The following TAF12 variants were observed in gnomAD, a reference collection of about 807,000 sequenced individuals.
TAF12 encodes TATA-box binding protein associated factor 12.
In TAF12, 3 loss-of-function variants were observed where a neutral mutation model predicts 20.8. That is an observed-to-expected ratio of 0.14 (90% CI 0.07 to 0.37). TAF12 has a LOEUF of 0.37. Ranked by LOEUF, TAF12 falls within the 10% of genes least tolerant of loss-of-function variation. The pLI, the probability that TAF12 is intolerant of heterozygous loss-of-function variation, is 1.00. For missense variants in TAF12, 131 were observed against 197.9 expected (o/e 0.66, Z 2.03); for synonymous variants, 69 against 70.2 (o/e 0.98, Z 0.09).
At chr1:28,623,487 A>AAAATAAAT (rs35847599) in intron 1 of TAF12, among the ~76,000 whole-genome samples, 6,145 of 149,708 alleles carry the variant, frequency 0.041, 353 homozygotes, top group African/African-American at 0.14. Context: ...AATAATAATA[A>AAAATAAAT]AAATAAATAA....
chr1:28,619,128 G>A (rs1027648901), intron 2 of TAF12, among the ~76,000 whole-genome samples: 4 of 152,072 alleles, frequency 2.6e-5, no homozygotes, highest in African/African-American at 9.7e-5. Flanking sequence ...GAGGTGGGAG[G>A]ACTACCTGAG....
At chr1:28,642,480 C>T (rs1000764557) in intron 1 of TAF12, among the ~76,000 whole-genome samples, 2 of 152,074 alleles carry the variant, frequency 1.3e-5, no homozygotes, top group African/African-American at 4.8e-5. Context: ...CCCAAAGAAG[C>T]CCCAGTCTTC....
At chr1:28,644,475 A>C (rs1381356435), upstream of TAF12, among the ~76,000 whole-genome samples, 1 of 152,204 alleles carries the variant, frequency 6.6e-6, no homozygotes, top group Non-Finnish European at 1.5e-5. Flanking sequence ...TTTAAGACCC[A>C]GGTTGAATGT....
chr1:28,629,066 G>A lies in TAF12; in HGVS notation c.-84-6901C>T, dbSNP rs557943394. On this transcript the variant is annotated intron_variant, in intron 1 of 5. Transcript: ENST00000373824. ...AGCTGGGGTGACAGAGCAAGACTCC[G>A]TCTCAAATAAATAAATGAATAAAAC... Among the ~76,000 whole-genome samples the A allele has an allele frequency of 1.2e-4, 19 of 152,262 alleles. No individual in the cohort carries two copies. The East Asian group carries it at 1.7e-3, about 14-fold the overall frequency.
intron 2 of TAF12, among the ~76,000 whole-genome samples, chr1:28,619,173 C>T (rs986363592): frequency 2.4e-4 from 37 of 151,440 alleles, no homozygotes; most frequent in African/African-American, 8.5e-4. Flanking sequence ...GGCAACATGG[C>T]GAGACTGCAT....
In TAF12 at chr1:28,603,156, T is replaced by C. The variant is rs546183580; in HGVS notation, c.*383A>G. ...ATGAAAGTCATATTCATATAAACAC[T>C]GACATTACAAAGTACAGGGAAAAGG... On this transcript the variant is annotated 3_prime_UTR_variant, in exon 6 of 6. Coordinates refer to ENST00000373824, the MANE Select transcript of TAF12 (RefSeq NM_005644.4). 9 of 183,882 alleles carry C rather than the reference T, an allele frequency of 4.9e-5. No homozygotes were observed. Among genetic ancestry groups the C allele is most frequent in the Non-Finnish European group, 1.0e-4 (9 of 88,298 alleles). 11.4% of individuals were successfully genotyped at this position (183,882 alleles called of 1,614,324 possible).
chr1:28,625,308 G>A (rs1323390458), intron 1 of TAF12, among the ~76,000 whole-genome samples: 1 of 152,196 alleles, frequency 6.6e-6, no homozygotes, highest in African/African-American at 2.4e-5. Context: ...GGAGGCTGAA[G>A]TAGGAGTACT....
At chr1:28,644,890 G>A (rs1053823024), upstream of TAF12, among the ~76,000 whole-genome samples, 1 of 152,140 alleles carries the variant, frequency 6.6e-6, no homozygotes, top group African/African-American at 2.4e-5. Context: ...TTGGAAGAAC[G>A]GTGAAATTAT....
intron 3 of TAF12, 130 bp downstream of exon 3, chr1:28,617,823 G>T (rs902604654): frequency 1.1e-6 from 1 of 898,472 alleles, no homozygotes; most frequent in African/African-American, 1.7e-5. Flanking sequence ...GAACCTCTGG[G>T]TTCCAGCAAT....
chr1:28,605,251 A>T, intron 5 of TAF12, 121 bp downstream of exon 5: 1 of 962,242 alleles, frequency 1.0e-6, no homozygotes, highest in Non-Finnish European at 1.6e-6. Context: ...CTTGCTCCAG[A>T]GAGTGAAGTT....
At chr1:28,608,782 CA>C (rs1273234935) in intron 4 of TAF12, among the ~76,000 whole-genome samples, 2 of 150,808 alleles carry the variant, frequency 1.3e-5, no homozygotes, top group South Asian at 4.2e-4. Flanking sequence ...AAATAAAAGA[CA>C]AAAAATTAGC....
At chr1:28,647,016 T>C (rs1387066630), upstream of TAF12, among the ~76,000 whole-genome samples, 1 of 151,998 alleles carries the variant, frequency 6.6e-6, no homozygotes, top group Non-Finnish European at 1.5e-5. Flanking sequence ...GTATTTTTAA[T>C]AGAGACAGGG....
At chr1:28,604,003 C>G (rs1168696658) in intron 5 of TAF12, among the ~76,000 whole-genome samples, 11 of 151,574 alleles carry the variant, frequency 7.3e-5, no homozygotes, top group Non-Finnish European at 1.5e-5. Flanking sequence ...CTCCCAAGTT[C>G]AAGTGATTCT....
chr1:28,636,675 G>A (rs1358044946), intron 1 of TAF12, among the ~76,000 whole-genome samples: 2 of 151,650 alleles, frequency 1.3e-5, no homozygotes, highest in Non-Finnish European at 2.9e-5. Context: ...GTGGCATGCA[G>A]CTGTGGTCCC....
chr1:28,603,682 G>T, intron 5 of TAF12, 108 bp from the exon 6 acceptor site: 1 of 1,122,650 alleles, frequency 8.9e-7, no homozygotes, highest in Non-Finnish European at 1.3e-6. Flanking sequence ...GTAGGCCGCA[G>T]CCCTCAGAGA....
At chr1:28,639,640 G>A (rs1667968407) in intron 1 of TAF12, among the ~76,000 whole-genome samples, 2 of 152,016 alleles carry the variant, frequency 1.3e-5, no homozygotes, top group African/African-American at 4.8e-5. Flanking sequence ...ACTTTGAAGT[G>A]GTGACATGGG....
chr1:28,608,238 G>A lies in TAF12; in HGVS notation c.362-2778C>T, dbSNP rs1186146722. On this transcript the variant is annotated intron_variant, in intron 4 of 5. Transcript: ENST00000373824. Reference sequence around the variant, plus strand: ...CGGGCGCCTGTAGTCCCAGCTACTCGGGAGGCTGAGGCAGGAGAATGGTGT... The same window carrying A: ...CGGGCGCCTGTAGTCCCAGCTACTCAGGAGGCTGAGGCAGGAGAATGGTGT... Among the ~76,000 whole-genome samples, 19 of 151,168 alleles carry A rather than the reference G, an allele frequency of 1.3e-4. 1 individual carries two copies. Among genetic ancestry groups the A allele is most frequent in the African/African-American group, 3.6e-4 (15 of 41,188 alleles).
upstream of TAF12, chr1:28,645,979 AAAGAG>A (rs909979124): frequency 2.6e-5 from 4 of 151,974 alleles, no homozygotes; most frequent in African/African-American, 7.2e-5. Flanking sequence ...AAAAAAAAAA[AAAGAG>A]AGATAAGGTC....
intron 1 of TAF12, among the ~76,000 whole-genome samples, chr1:28,640,070 T>G (rs1383585556): frequency 6.6e-6 from 1 of 152,198 alleles, no homozygotes; most frequent in Non-Finnish European, 1.5e-5. Context: ...CTCGAACTCC[T>G]GATCTCAGGT....
Sources: allele counts gnomAD v4.1 joint callset (sites outside exome capture counted in the v4.1 genomes callset), GRCh38; gene constraint gnomAD v4.1.1; transcripts MANE v1.5; gene names NCBI Gene and HGNC (gene_info 2026-07-23, HGNC 2026-07-21).